CSNK1G2: variants seen among roughly 807,000 people sequenced by gnomAD.
CSNK1G2 encodes the protein casein kinase 1 gamma 2.
A neutral mutation model predicts 48.0 loss-of-function variants in CSNK1G2; 11 were observed. The ratio of observed to expected loss-of-function variants is 0.23; its 90% CI spans 0.14 to 0.38. The LOEUF (loss-of-function observed/expected upper bound fraction) is 0.38, where lower values mean the gene tolerates loss of function less well. Among genes scored for constraint, CSNK1G2 ranks in the 10% least tolerant of loss-of-function variants. The pLI, the probability that CSNK1G2 is intolerant of heterozygous loss-of-function variation, is 1.00. For missense variants in CSNK1G2, 446 were observed against 595.5 expected (o/e 0.75, Z 2.61); for synonymous variants, 337 against 254.1 (o/e 1.33, Z -3.10).
intron 1 of CSNK1G2, among the ~76,000 whole-genome samples, chr19:1,963,671 C>A (rs193045930): frequency 6.6e-6 from 1 of 151,726 alleles, no homozygotes; most frequent in African/African-American, 2.4e-5. Flanking sequence ...CCACACCTAG[C>A]TAATTTTTGT....
intron 1 of CSNK1G2, among the ~76,000 whole-genome samples, chr19:1,949,552 A>G (rs562108366): frequency 6.6e-6 from 1 of 152,310 alleles, no homozygotes; most frequent in Non-Finnish European, 1.5e-5. Flanking sequence ...AGATGTTTGC[A>G]TGGCATCCGC....
intron 1 of CSNK1G2, among the ~76,000 whole-genome samples, chr19:1,945,331 G>A (rs2014515567): frequency 6.6e-6 from 1 of 152,206 alleles, no homozygotes; most frequent in African/African-American, 2.4e-5. Flanking sequence ...ACTGTTCGGG[G>A]CACGCGTCTG....
In CSNK1G2 at chr19:1,957,398, T is replaced by C. The variant is rs1347269427; in HGVS notation, c.-265-12110T>C. Among the ~76,000 whole-genome samples the C allele has an allele frequency of 2.0e-5, 3 of 152,286 alleles. No individual in the cohort carries two copies. The East Asian group carries it at 5.8e-4, about 29-fold the overall frequency. ...TGTCCCGGGATGCACCAGGCGCTCG[T>C]GCAAACCAAGTGCTGAGCAGAGAGC... On this transcript the variant is annotated intron_variant, in intron 1 of 11. Transcript: ENST00000255641. The surrounding 1 kb of genome is among the most constrained non-coding windows in gnomAD (Gnocchi z 5.4).
At chr19:1,962,170 A>C (rs2015219695) in intron 1 of CSNK1G2, among the ~76,000 whole-genome samples, 1 of 152,062 alleles carries the variant, frequency 6.6e-6, no homozygotes, top group Non-Finnish European at 1.5e-5. Flanking sequence ...TGTCTGCTAA[A>C]AATAACAAAA....
chr19:1,947,683 CAG>C (rs1160235173), intron 1 of CSNK1G2, among the ~76,000 whole-genome samples: 1 of 152,208 alleles, frequency 6.6e-6, no homozygotes, highest in East Asian at 1.9e-4. Flanking sequence ...GCAGGCCAGC[CAG>C]AGCCCTGGAG....
chr19:1,959,774 T>C (rs56076117), intron 1 of CSNK1G2, among the ~76,000 whole-genome samples: 4,918 of 41,884 alleles, frequency 0.12, 1,728 homozygotes, highest in East Asian at 0.31. Context: ...CCAGCACCCG[T>C]CCCACCTTTA....
chr19:1,981,304 C>CT lies in CSNK1G2; in HGVS notation c.*1107dup, dbSNP rs2015983759. On this transcript the variant is annotated 3_prime_UTR_variant, in exon 12 of 12. Transcript: ENST00000255641. Reference sequence around the variant, plus strand: ...CCCTTGAAGCCATAGAATTTAGGGGCTTTTTTAAAAAAATAAAAGAAAAAT... The same window carrying CT: ...CCCTTGAAGCCATAGAATTTAGGGGCTTTTTTTAAAAAAATAAAAGAAAAAT... 1.3e-5 allele frequency: 2 copies of CT among 152,106 alleles called. No individual in the cohort carries two copies. Among genetic ancestry groups the CT allele is most frequent in the Admixed American group, 6.6e-5 (1 of 15,264 alleles). 9.4% of individuals were successfully genotyped at this position (152,106 alleles called of 1,614,324 possible).
intron 2 of CSNK1G2, among the ~76,000 whole-genome samples, chr19:1,972,154 C>T (rs917060311): frequency 2.0e-5 from 3 of 152,354 alleles, no homozygotes; most frequent in African/African-American, 7.2e-5. Context: ...GGCAGCCGCA[C>T]ATCGTGGTTT....
intron 1 of CSNK1G2, among the ~76,000 whole-genome samples, chr19:1,949,545 T>C (rs990858703): frequency 6.6e-6 from 1 of 152,242 alleles, no homozygotes; most frequent in Admixed American, 6.5e-5. Flanking sequence ...CTGTGATAGA[T>C]GTTTGCATGG....
chr19:1,967,408 T>C (rs2015397442), intron 1 of CSNK1G2, among the ~76,000 whole-genome samples: 1 of 152,106 alleles, frequency 6.6e-6, no homozygotes, highest in Non-Finnish European at 1.5e-5. Context: ...CAAACTGTGG[T>C]CCCCCTTCTT....
At chr19:1,962,327 T>TCAA (rs199969877) in intron 1 of CSNK1G2, among the ~76,000 whole-genome samples, 6 of 150,134 alleles carry the variant, frequency 4.0e-5, no homozygotes, top group East Asian at 2.0e-4. Flanking sequence ...TGAGACTCTG[T>TCAA]CAACAACAAC....
At chr19:1,953,047 C>G in intron 1 of CSNK1G2, 1 of 400,336 alleles carries the variant, frequency 2.5e-6, no homozygotes, top group South Asian at 1.9e-5. Flanking sequence ...AGAAACGCAG[C>G]CCACCCAGGT....
At position 1,978,231 on chromosome 19, in the gene CSNK1G2, C is replaced by G; in HGVS notation, c.188-74C>G. On this transcript the variant is annotated intron_variant, in intron 2 of 11. Coordinates refer to ENST00000255641, the MANE Select transcript of CSNK1G2 (RefSeq NM_001319.7). This position sits in a 1 kb window ranked among gnomAD's most constrained non-coding sequence, Gnocchi z 7.3. ...TCAGGGACCCCCTCCTGCCTCCTGC[C>G]TCGGGGGTGGGCTGGGGAGGTCGGG... is the stretch of plus-strand genomic sequence containing the variant. The G allele has an allele frequency of 6.6e-7, 1 of 1,526,018 alleles. No homozygotes were observed. The highest frequency in any genetic ancestry group is 9.1e-7 in the Non-Finnish European group (1 of 1,103,906). The allele number at this position is 1,526,018 out of a possible 1,614,324, so 94.5% of individuals were successfully genotyped here.
At chr19:1,959,021 C>T (rs1006222673) in intron 1 of CSNK1G2, among the ~76,000 whole-genome samples, 2 of 146,652 alleles carry the variant, frequency 1.4e-5, no homozygotes, top group African/African-American at 5.1e-5. Flanking sequence ...TCTGCATCTC[C>T]ATCTGCTCCC....
Position 1,969,671 on chromosome 19 carries a change from G to C in CSNK1G2, c.-102G>C. The C allele has an allele frequency of 9.4e-7, 1 of 1,063,622 alleles. No homozygotes were observed. The highest frequency in any genetic ancestry group is 1.2e-6 in the Non-Finnish European group (1 of 822,434). The allele number at this position is 1,063,622 out of a possible 1,614,324, so 65.9% of individuals were successfully genotyped here. A position where few individuals can be genotyped will look rare whatever the true frequency, so the allele number is the denominator to read the frequency against. Reference sequence around the variant, plus strand: ...GGCCCACGCCCGCCCACCGGCCGCAGTGATGTTCTAGCCACAGAGGAGCCA... The same window carrying C: ...GGCCCACGCCCGCCCACCGGCCGCACTGATGTTCTAGCCACAGAGGAGCCA... On this transcript the variant is annotated 5_prime_UTR_variant, in exon 2 of 12. Coordinates refer to ENST00000255641, the MANE Select transcript of CSNK1G2 (RefSeq NM_001319.7).
At chr19:1,947,575 C>T (rs2014607990) in intron 1 of CSNK1G2, among the ~76,000 whole-genome samples, 1 of 152,196 alleles carries the variant, frequency 6.6e-6, no homozygotes, top group East Asian at 1.9e-4. Context: ...CGTGAGGACA[C>T]GGACTGGCCC....
At chr19:1,961,105 G>A (rs1403105402) in intron 1 of CSNK1G2, among the ~76,000 whole-genome samples, 1 of 152,230 alleles carries the variant, frequency 6.6e-6, no homozygotes, top group African/African-American at 2.4e-5. Flanking sequence ...AAGTCCCCCT[G>A]TCCGTCCCGT....
chr19:1,979,984 C>T lies in CSNK1G2; in HGVS notation c.1160C>T (p.Ala387Val), dbSNP rs375203154. Residue 387 changes from alanine (A) to valine (V), a missense_variant, in exon 11 of 12, where the codon GCG becomes GTG. Around this residue, in one of 2 missense-constraint regions of CSNK1G2, gnomAD observed 188 missense variants for 179.6 expected, o/e 1.05. Coordinates refer to ENST00000255641, the MANE Select transcript of CSNK1G2 (RefSeq NM_001319.7). ...TAGHSNAPIT[A>V]PAEVEVADET... ...GGCCACTCCAACGCCCCGATCACAGCGCCTGCAGAGGTGGAGGTGGCCGAT... is the reference window on the plus strand; with the variant it reads ...GGCCACTCCAACGCCCCGATCACAGTGCCTGCAGAGGTGGAGGTGGCCGAT... 5.0e-6 allele frequency: 8 copies of T among 1,587,716 alleles called. No individual in the cohort carries two copies. The highest frequency in any genetic ancestry group is 1.7e-4 in the Middle Eastern group (1 of 5,950).
chr19:1,967,392 C>T (rs1302289116), intron 1 of CSNK1G2, among the ~76,000 whole-genome samples: 2 of 152,190 alleles, frequency 1.3e-5, no homozygotes. Context: ...ATCTGGGGCA[C>T]AGCAGCAAAC....
Sources: allele counts gnomAD v4.1 joint callset (sites outside exome capture counted in the v4.1 genomes callset), GRCh38; gene constraint gnomAD v4.1.1; regional missense constraint gnomAD v4.1.1; non-coding constraint Gnocchi (gnomAD v3.1); transcripts MANE v1.5; gene names NCBI Gene and HGNC (gene_info 2026-07-23, HGNC 2026-07-21).